The following CCSER1 variants were observed in gnomAD, a reference collection of about 807,000 sequenced individuals.
CCSER1 encodes coiled-coil serine rich protein 1, also known as serine-rich coiled-coil domain-containing protein 1.
In CCSER1, 41 loss-of-function variants were observed where a neutral mutation model predicts 82.0. The observed-to-expected ratio is 0.50, with a 90% CI of 0.39 to 0.65. The LOEUF (loss-of-function observed/expected upper bound fraction) is 0.65, where lower values mean the gene tolerates loss of function less well. CCSER1 is among the 30% of genes least tolerant of loss of function. The pLI is 0.00. For synonymous variants in CCSER1, 414 were observed against 383.9 expected, an observed-to-expected ratio of 1.08 and a Z score of -0.92; for missense variants, 1,119 against 1,064.2, an observed-to-expected ratio of 1.05 and a Z score of -0.72.
chr4:91,378,015 C>A (rs1360853612), intron 10 of CCSER1, among the ~76,000 whole-genome samples: 1 of 152,056 alleles, frequency 6.6e-6, no homozygotes, highest in Non-Finnish European at 1.5e-5. Flanking sequence ...GAATTCTTTC[C>A]CCATTTCTTG....
At chr4:90,981,475 T>A (rs1343829350) in intron 9 of CCSER1, among the ~76,000 whole-genome samples, 2 of 151,792 alleles carry the variant, frequency 1.3e-5, no homozygotes, top group East Asian at 1.9e-4. Context: ...TTACGTTTAA[T>A]CCCCAAAGCA....
At chr4:90,900,849 G>C (rs1162507309) in intron 8 of CCSER1, among the ~76,000 whole-genome samples, 2 of 151,766 alleles carry the variant, frequency 1.3e-5, no homozygotes, top group Admixed American at 1.3e-4. Context: ...TTCTTTGTTA[G>C]TTTTCTGCTT....
chr4:91,037,555 A>C (rs1379966892), intron 9 of CCSER1, among the ~76,000 whole-genome samples: 2 of 149,610 alleles, frequency 1.3e-5, no homozygotes, highest in East Asian at 4.1e-4. Context: ...TTTCTTATCG[A>C]GCACCTTGTT....
chr4:90,712,902 TC>T (rs200597494), intron 6 of CCSER1, among the ~76,000 whole-genome samples: 2,207 of 140,254 alleles, frequency 0.016, 59 homozygotes, highest in African/African-American at 0.052. Flanking sequence ...GTCCTTCGTC[TC>T]TTTTTTTTTT....
At chr4:90,780,901 A>G (rs1753680714) in intron 7 of CCSER1, 3 of 609,142 alleles carry the variant, frequency 4.9e-6, no homozygotes, top group South Asian at 1.4e-4. Flanking sequence ...GAAAAGGGGT[A>G]TAATTGGCCC....
chr4:90,433,464 C>A (rs1311123621), intron 4 of CCSER1, among the ~76,000 whole-genome samples: 1 of 152,000 alleles, frequency 6.6e-6, no homozygotes, highest in East Asian at 1.9e-4. Flanking sequence ...GTCCCCAAGA[C>A]CATTTCTAGG....
intron 5 of CCSER1, among the ~76,000 whole-genome samples, chr4:90,490,292 A>G (rs956575844): frequency 6.6e-6 from 1 of 151,984 alleles, no homozygotes; most frequent in Non-Finnish European, 1.5e-5. Context: ...GCATTTTTTC[A>G]TGTGTCTTTT....
intron 10 of CCSER1, among the ~76,000 whole-genome samples, chr4:91,099,541 C>A (rs971376390): frequency 6.6e-6 from 1 of 152,092 alleles, no homozygotes; most frequent in Non-Finnish European, 1.5e-5. Flanking sequence ...GCCCTGAGAA[C>A]ACATGTCCAA....
chr4:90,173,494 A>G (rs182320064), intron 1 of CCSER1, among the ~76,000 whole-genome samples: 3 of 152,042 alleles, frequency 2.0e-5, no homozygotes, highest in Non-Finnish European at 2.9e-5. Flanking sequence ...AATTGACTTT[A>G]TTCACTTTTG....
intron 9 of CCSER1, among the ~76,000 whole-genome samples, chr4:90,988,334 C>CAAAAAAAAAAAAAAAA (rs60408059): frequency 8.0e-5 from 6 of 75,386 alleles, no homozygotes; most frequent in African/African-American, 3.5e-4. Context: ...TATCTTGTCT[C>CAAAAAAAAAAAAAAAA]AAAAAAAAAA....
intron 10 of CCSER1, among the ~76,000 whole-genome samples, chr4:91,425,365 A>G (rs1753909161): frequency 1.3e-5 from 2 of 152,162 alleles, no homozygotes; most frequent in Non-Finnish European, 2.9e-5. Context: ...TAAATTACAC[A>G]AATCAAATCT....
In CCSER1 at chr4:90,129,997, T is replaced by G. The variant is rs550161668; in HGVS notation, c.-42+2166T>G. Among the ~76,000 whole-genome samples the G allele has an allele frequency of 2.6e-5, 4 of 152,352 alleles. No homozygotes were observed. In the East Asian group the frequency reaches 7.7e-4, roughly 29 times the overall value. On this transcript the variant is annotated intron_variant, in intron 1 of 10. Coordinates refer to ENST00000509176, the MANE Select transcript of CCSER1 (RefSeq NM_001145065.2). ...TCCTATTTATGAGTATTTTGTTTTT[T>G]GACAGTTAAGAGAATCAGCAACTGT... is the stretch of plus-strand genomic sequence containing the variant.
At chr4:91,065,139 T>C (rs780036137) in intron 9 of CCSER1, among the ~76,000 whole-genome samples, 5 of 152,064 alleles carry the variant, frequency 3.3e-5, no homozygotes, top group East Asian at 1.9e-4. Context: ...CTTTAATACA[T>C]GTCCAAAGGA....
Position 90,324,152 on chromosome 4 carries a change from C to T in CCSER1, c.1509+11105C>T, listed in dbSNP as rs548659903. ...CATACGTGTGCATGTGTCTTTATAG[C>T]AGCATGATTTACAATCCTTTGGGTA... On this transcript the variant is annotated intron_variant, in intron 3 of 10. Transcript: ENST00000509176. Among the ~76,000 whole-genome samples, 460 of 152,264 alleles carry T rather than the reference C, an allele frequency of 3.0e-3. 4 individuals are homozygous for T. The highest frequency in any genetic ancestry group is 0.01 in the African/African-American group (435 of 41,536).
At chr4:91,249,229 A>T (rs1228258458) in intron 10 of CCSER1, among the ~76,000 whole-genome samples, 2 of 152,136 alleles carry the variant, frequency 1.3e-5, no homozygotes, top group Non-Finnish European at 2.9e-5. Context: ...AGCCATTTCT[A>T]TGTTTTTAGT....
intron 3 of CCSER1, among the ~76,000 whole-genome samples, chr4:90,338,347 C>A (rs2153502598): frequency 6.6e-6 from 1 of 152,256 alleles, no homozygotes; most frequent in Middle Eastern, 3.4e-3. Context: ...CTGTTGTTTT[C>A]AATTTTCTTT....
chr4:90,434,513 A>C (rs1758747574), intron 4 of CCSER1, among the ~76,000 whole-genome samples: 1 of 152,232 alleles, frequency 6.6e-6, no homozygotes, highest in Admixed American at 6.5e-5. Context: ...AGAACTTCAA[A>C]AATATAACAT....
chr4:91,126,572 TA>T (rs1727539253), intron 10 of CCSER1, among the ~76,000 whole-genome samples: 1 of 151,994 alleles, frequency 6.6e-6, no homozygotes, highest in South Asian at 2.1e-4. Flanking sequence ...ATATGGTCTA[TA>T]AATTAGATAA....
At chr4:90,895,663 A>G (rs531288455) in intron 8 of CCSER1, among the ~76,000 whole-genome samples, 1 of 152,038 alleles carries the variant, frequency 6.6e-6, no homozygotes, top group Non-Finnish European at 1.5e-5. Context: ...AAGGTAGAGT[A>G]AACATAGTTG....
Sources: allele counts gnomAD v4.1 joint callset (sites outside exome capture counted in the v4.1 genomes callset), GRCh38; gene constraint gnomAD v4.1.1; transcripts MANE v1.5; gene names NCBI Gene and HGNC (gene_info 2026-07-23, HGNC 2026-07-21).